The following AP4S1 variants were observed in gnomAD, a reference collection of about 807,000 sequenced individuals.
AP4S1 encodes AP-4 complex subunit sigma-1.
Under a neutral mutation model 19.8 loss-of-function variants are expected in AP4S1, and 23 were observed. That is an observed-to-expected ratio of 1.16 (90% CI 0.84 to 1.65). The LOEUF (loss-of-function observed/expected upper bound fraction) is 1.65, where lower values mean the gene tolerates loss of function less well. AP4S1 is among the 40% of genes most tolerant of loss of function. The probability of loss-of-function intolerance (pLI) is 0.00; values close to 1 mark genes in which losing one functional copy is unlikely to be tolerated. For synonymous variants in AP4S1, 46 were observed against 54.1 expected, an observed-to-expected ratio of 0.85 and a Z score of 0.66; for missense variants, 166 against 172.8, an observed-to-expected ratio of 0.96 and a Z score of 0.22.
At chr14:31,070,253 ATTTATT>A (rs1566535716) in intron 3 of AP4S1, among the ~76,000 whole-genome samples, 4 of 151,998 alleles carry the variant, frequency 2.6e-5, no homozygotes, top group African/African-American at 9.6e-5. Context: ...CAGACTCCCA[ATTTATT>A]TTTATTTTTA....
At chr14:31,074,965 A>G (rs1450950581) in intron 4 of AP4S1, among the ~76,000 whole-genome samples, 1 of 152,240 alleles carries the variant, frequency 6.6e-6, no homozygotes, top group African/African-American at 2.4e-5. Flanking sequence ...CATATAATGT[A>G]TAAAAACCAA....
intron 1 of AP4S1, among the ~76,000 whole-genome samples, chr14:31,060,035 ATATGTATATATATTTATATATT>A (rs1886348583): frequency 2.5e-5 from 3 of 122,272 alleles, no homozygotes; most frequent in Non-Finnish European, 5.2e-5. Context: ...ATTTATGTAT[ATATGTATATATATTTATATATT>A]TATGTATATA....
chr14:31,073,081 GT>G (rs1192813047), intron 4 of AP4S1, 108 bp downstream of exon 4: 4 of 972,652 alleles, frequency 4.1e-6, no homozygotes, highest in Non-Finnish European at 6.4e-6. Context: ...GTTTTAATAA[GT>G]AAAAGTTAAA....
chr14:31,054,910 T>C (rs1886022402), intron 1 of AP4S1, among the ~76,000 whole-genome samples: 1 of 135,054 alleles, frequency 7.4e-6, no homozygotes, highest in East Asian at 2.4e-4. Context: ...TGACAGGTCA[T>C]ACTGATAGTA....
At chr14:31,033,959 A>G (rs1433914961) in intron 1 of AP4S1, among the ~76,000 whole-genome samples, 2 of 152,242 alleles carry the variant, frequency 1.3e-5, no homozygotes, top group African/African-American at 2.4e-5. Context: ...ATTGAAAAGA[A>G]AAAGAAAGGA....
intron 1 of AP4S1, among the ~76,000 whole-genome samples, chr14:31,034,686 C>T (rs999565888): frequency 6.2e-5 from 9 of 144,280 alleles, no homozygotes; most frequent in Admixed American, 1.5e-4. Context: ...GGTGTGGTCT[C>T]GGCTCACTGC....
chr14:31,050,709 A>G (rs1885741423), intron 1 of AP4S1, among the ~76,000 whole-genome samples: 1 of 152,212 alleles, frequency 6.6e-6, no homozygotes, highest in Non-Finnish European at 1.5e-5. Context: ...TACATGTATC[A>G]AATATAACAA....
intron 1 of AP4S1, among the ~76,000 whole-genome samples, chr14:31,046,463 T>C (rs565222394): frequency 2.6e-5 from 4 of 152,220 alleles, no homozygotes; most frequent in Non-Finnish European, 5.9e-5. Context: ...AATTGATGAA[T>C]AGTTTTCTAC....
intron 1 of AP4S1, among the ~76,000 whole-genome samples, chr14:31,037,287 C>T (rs904537379): frequency 4.0e-5 from 6 of 148,918 alleles, no homozygotes; most frequent in East Asian, 2.1e-4. Context: ...TCCTAAAAAA[C>T]GTTCCAGGGG....
At chr14:31,084,647 C>A in intron 5 of AP4S1, 1 of 1,492,282 alleles carries the variant, frequency 6.7e-7, no homozygotes, top group Non-Finnish European at 9.1e-7. Flanking sequence ...CTCCACCCGC[C>A]CGGCTGAAGT....
Position 31,025,781 on chromosome 14 carries a change from A to T in AP4S1, c.-78A>T. 7.5e-7 allele frequency: 1 copy of T among 1,330,380 alleles called. No individual in the cohort carries two copies. Among genetic ancestry groups the T allele is most frequent in the Non-Finnish European group, 1.0e-6 (1 of 982,182 alleles). 82.4% of individuals were successfully genotyped at this position (1,330,380 alleles called of 1,614,324 possible). On this transcript the variant is annotated 5_prime_UTR_variant, in exon 1 of 6. Coordinates refer to ENST00000542754, the MANE Select transcript of AP4S1 (RefSeq NM_001128126.3). ...TTGAGAGGACCATCACAACCTGAGC[A>T]GCACAGGTAGGTTCCGCTCGGCCTC...
At chr14:31,028,938 A>G (rs1354431615) in intron 1 of AP4S1, among the ~76,000 whole-genome samples, 1 of 152,236 alleles carries the variant, frequency 6.6e-6, no homozygotes, top group Non-Finnish European at 1.5e-5. Flanking sequence ...ACCTGATGAT[A>G]GCATCAAAAG....
chr14:31,092,791 C>CA (rs1888109783), intron 5 of AP4S1, 116 bp from the exon 6 acceptor site: 2 of 739,844 alleles, frequency 2.7e-6, no homozygotes, highest in African/African-American at 1.9e-5. Flanking sequence ...AAATTTTGTA[C>CA]AAAAAACCTC....
intron 1 of AP4S1, among the ~76,000 whole-genome samples, chr14:31,064,031 T>A (rs1886581991): frequency 6.6e-6 from 1 of 152,170 alleles, no homozygotes; most frequent in Admixed American, 6.6e-5. Flanking sequence ...TGGCCATTGA[T>A]GAATATTATG....
At chr14:31,056,394 T>G (rs1886119207) in intron 1 of AP4S1, among the ~76,000 whole-genome samples, 1 of 151,572 alleles carries the variant, frequency 6.6e-6, no homozygotes, top group South Asian at 2.1e-4. Context: ...GTCTCACTCT[T>G]GTCGCCCAGG....
At chr14:31,061,128 G>A (rs551375530) in intron 1 of AP4S1, among the ~76,000 whole-genome samples, 9 of 152,178 alleles carry the variant, frequency 5.9e-5, no homozygotes, top group Admixed American at 2.0e-4. Context: ...TGATCCACTT[G>A]CCTCAGCCTC....
chr14:31,033,461 C>G (rs1884532503), intron 1 of AP4S1, among the ~76,000 whole-genome samples: 1 of 152,128 alleles, frequency 6.6e-6, no homozygotes, highest in South Asian at 2.1e-4. Context: ...ATCCACCCGC[C>G]TCAGCCTCCC....
At position 31,073,266 on chromosome 14, in the gene AP4S1, A is replaced by C. The variant is rs112222685; in HGVS notation, c.294+293A>C. On this transcript the variant is annotated intron_variant, in intron 4 of 5. Transcript: ENST00000542754. Reference sequence around the variant, plus strand: ...AGCACTTTGGGAGGCTAAGGTGGGCAGATCACAAGGTCAGGAGATGGAGAC... The same window carrying C: ...AGCACTTTGGGAGGCTAAGGTGGGCCGATCACAAGGTCAGGAGATGGAGAC... The C allele has an allele frequency of 3.2e-5, 11 of 343,236 alleles. No homozygotes were observed. In the East Asian group the frequency reaches 4.2e-4, roughly 13 times the overall value. 21.3% of individuals were successfully genotyped at this position (343,236 alleles called of 1,614,324 possible).
rs1886715392 is a variant in AP4S1, at chr14:31,066,332, C to G, written c.136C>G (p.Gln46Glu). Residue 46 changes from glutamine (Q) to glutamate (E), a missense_variant and splice_region_variant, in exon 2 of 6, where the codon CAA becomes GAA. By Grantham distance (29) the Gln-to-Glu change is conservative (BLOSUM62 2). Coordinates refer to ENST00000542754, the MANE Select transcript of AP4S1 (RefSeq NM_001128126.3). ...GAGCTGTCTCTCTCGATCCAATGAA[C>G]AAGTAAGTCTCTGGTTCTCTCTTTT... Reference protein sequence around the residue: ...IKSCLSRSNEQCSFIEYKDFK... With the variant: ...IKSCLSRSNEECSFIEYKDFK... 1.2e-6 allele frequency: 2 copies of G among 1,613,972 alleles called. No individual in the cohort carries two copies. The highest frequency in any genetic ancestry group is 1.7e-6 in the Non-Finnish European group (2 of 1,179,928).
Sources: allele counts gnomAD v4.1 joint callset (sites outside exome capture counted in the v4.1 genomes callset), GRCh38; gene constraint gnomAD v4.1.1; transcripts MANE v1.5; gene names NCBI Gene and HGNC (gene_info 2026-07-23, HGNC 2026-07-21).